REDIC1: variants seen among roughly 807,000 people sequenced by gnomAD.
REDIC1 encodes HEI10 Interacting Protein 1.
chr12:39,700,267 C>G, the REDIC1 span, among the ~76,000 whole-genome samples: 1 of 152,010 alleles, frequency 6.6e-6, no homozygotes, highest in Non-Finnish European at 1.5e-5. Context: ...AGCTGAAAAC[C>G]AAGGCTCGAG....
chr12:39,862,222 G>C, the REDIC1 span, among the ~76,000 whole-genome samples: 1 of 152,164 alleles, frequency 6.6e-6, no homozygotes, highest in Non-Finnish European at 1.5e-5. Context: ...AAATTATTTA[G>C]GGTTGTCGAT....
At chr12:39,691,841 G>GTTGC in the REDIC1 span, among the ~76,000 whole-genome samples, 1 of 151,888 alleles carries the variant, frequency 6.6e-6, no homozygotes, top group Admixed American at 6.6e-5. Flanking sequence ...TGTCTATTCT[G>GTTGC]TTGCTTGTTG....
At chr12:39,865,443 T>C in the REDIC1 span, among the ~76,000 whole-genome samples, 2 of 152,194 alleles carry the variant, frequency 1.3e-5, no homozygotes, top group Non-Finnish European at 2.9e-5. Context: ...AGAAATAATA[T>C]ATCACATATA....
At chr12:39,860,159 G>A in the REDIC1 span, among the ~76,000 whole-genome samples, 2 of 152,296 alleles carry the variant, frequency 1.3e-5, no homozygotes, top group South Asian at 4.2e-4. Context: ...AAGAATAGGT[G>A]GTTAGTCTGT....
the REDIC1 span, chr12:39,872,035 T>A: frequency 3.1e-6 from 4 of 1,309,786 alleles, no homozygotes; most frequent in South Asian, 2.1e-5. Flanking sequence ...TAGAAAAAGA[T>A]GTATTCAATT....
the REDIC1 span, among the ~76,000 whole-genome samples, chr12:39,897,258 TCAAA>T: frequency 1.3e-5 from 2 of 152,226 alleles, no homozygotes; most frequent in Admixed American, 1.3e-4. Context: ...ACACATTAGG[TCAAA>T]CAGTTTAAAA....
the REDIC1 span, among the ~76,000 whole-genome samples, chr12:39,900,670 T>C: frequency 1.5e-4 from 23 of 152,100 alleles, no homozygotes; most frequent in Non-Finnish European, 2.8e-4. Context: ...CACAAACCAC[T>C]GCTCAATGAA....
At chr12:39,658,758 A>T in the REDIC1 span, among the ~76,000 whole-genome samples, 2 of 152,086 alleles carry the variant, frequency 1.3e-5, no homozygotes, top group African/African-American at 4.8e-5. Flanking sequence ...TTTAGACTTT[A>T]TCAGATATAT....
At chr12:39,801,532 T>C in the REDIC1 span, among the ~76,000 whole-genome samples, 2 of 152,306 alleles carry the variant, frequency 1.3e-5, no homozygotes, top group Middle Eastern at 3.4e-3. Flanking sequence ...TTGGGAAATA[T>C]TCCATTTAAG....
chr12:39,735,794 CTTT>C, the REDIC1 span, among the ~76,000 whole-genome samples: 1 of 152,178 alleles, frequency 6.6e-6, no homozygotes, highest in Non-Finnish European at 1.5e-5. Flanking sequence ...AACAATAGGG[CTTT>C]TAAGAATGTC....
the REDIC1 span, among the ~76,000 whole-genome samples, chr12:39,873,601 T>C: frequency 6.6e-6 from 1 of 152,202 alleles, no homozygotes; most frequent in Non-Finnish European, 1.5e-5. Context: ...AGAATAAGAA[T>C]AGTTATATTG....
chr12:39,666,613 A>G, the REDIC1 span, among the ~76,000 whole-genome samples: 1 of 152,142 alleles, frequency 6.6e-6, no homozygotes, highest in Non-Finnish European at 1.5e-5. Context: ...CTCTTTTTCT[A>G]CTGATTGGAA....
the REDIC1 span, among the ~76,000 whole-genome samples, chr12:39,838,436 A>G: frequency 6.7e-6 from 1 of 149,994 alleles, no homozygotes; most frequent in Non-Finnish European, 1.5e-5. Flanking sequence ...GCACATGTAT[A>G]CATATGTAAC....
At chr12:39,865,524 T>A in the REDIC1 span, among the ~76,000 whole-genome samples, 1 of 152,208 alleles carries the variant, frequency 6.6e-6, no homozygotes, top group Non-Finnish European at 1.5e-5. Flanking sequence ...GGAATGGTGA[T>A]TAAGTATATC....
chr12:39,631,055 A>AT, the REDIC1 span, among the ~76,000 whole-genome samples: 1 of 152,008 alleles, frequency 6.6e-6, no homozygotes, highest in East Asian at 1.9e-4. Context: ...TGCCCAGCTA[A>AT]TTTTTTGTAT....
chr12:39,702,957 A>G, the REDIC1 span, among the ~76,000 whole-genome samples: 2,578 of 152,308 alleles, frequency 0.017, 35 homozygotes, highest in Middle Eastern at 0.082. Context: ...GCTATCTATG[A>G]CAAACCCACA....
the REDIC1 span, among the ~76,000 whole-genome samples, chr12:39,793,739 TG>T: frequency 1.3e-5 from 2 of 152,166 alleles, no homozygotes; most frequent in Non-Finnish European, 2.9e-5. Flanking sequence ...AGATTATTCA[TG>T]CACCTGCTTT....
chr12:39,646,928 T>C, the REDIC1 span: 3 of 1,311,574 alleles, frequency 2.3e-6, no homozygotes, highest in Non-Finnish European at 1.1e-6. Context: ...ATTTCAGCAA[T>C]TGTGATATGC....
the REDIC1 span, among the ~76,000 whole-genome samples, chr12:39,828,059 A>G: frequency 6.6e-6 from 1 of 152,090 alleles, no homozygotes; most frequent in Non-Finnish European, 1.5e-5. Flanking sequence ...CCAAACCACC[A>G]ATCAACCAAC....
Sources: allele counts gnomAD v4.1 joint callset (sites outside exome capture counted in the v4.1 genomes callset), GRCh38; gene constraint gnomAD v4.1.1; transcripts MANE v1.5; gene names NCBI Gene and HGNC (gene_info 2026-07-23, HGNC 2026-07-21).